Variants in SEMA6D observed in about 807,000 individuals in gnomAD.
SEMA6D encodes semaphorin 6D, also known as semaphorin-6D.
Under a neutral mutation model 106.6 loss-of-function variants are expected in SEMA6D, and 35 were observed. The ratio of observed to expected loss-of-function variants is 0.33; its 90% CI spans 0.25 to 0.44. The LOEUF (loss-of-function observed/expected upper bound fraction) is 0.44. Among genes scored for constraint, SEMA6D ranks in the 20% least tolerant of loss-of-function variants. SEMA6D has a pLI of 1.00. For synonymous variants in SEMA6D, 499 were observed against 487.7 expected (o/e 1.02, Z -0.31); for missense variants, 1,185 against 1,345.9 (o/e 0.88, Z 1.87).
intron 1 of SEMA6D, among the ~76,000 whole-genome samples, chr15:47,290,183 G>C (rs150016333): frequency 6.6e-6 from 1 of 152,192 alleles, no homozygotes; most frequent in Non-Finnish European, 1.5e-5. Flanking sequence ...TGAAGGGATC[G>C]CTGTGAAGCT....
chr15:47,483,546 TAGTC>T (rs1373262816), intron 3 of SEMA6D, among the ~76,000 whole-genome samples: 8 of 152,156 alleles, frequency 5.3e-5, no homozygotes, highest in African/African-American at 1.9e-4. Flanking sequence ...TTAACTGTAA[TAGTC>T]AGGTTTATAG....
intron 3 of SEMA6D, among the ~76,000 whole-genome samples, chr15:47,534,211 G>A (rs746526478): frequency 6.6e-6 from 1 of 152,086 alleles, no homozygotes; most frequent in Admixed American, 6.5e-5. Flanking sequence ...TTTAAATGGA[G>A]ACAAATTATC....
At chr15:47,662,269 C>T (rs745528237) in intron 4 of SEMA6D, among the ~76,000 whole-genome samples, 2 of 151,912 alleles carry the variant, frequency 1.3e-5, no homozygotes, top group Admixed American at 6.6e-5. Flanking sequence ...GAATACTGTG[C>T]GTGTGGCTGT....
At chr15:47,646,090 G>A (rs1305940534) in intron 4 of SEMA6D, among the ~76,000 whole-genome samples, 2 of 152,034 alleles carry the variant, frequency 1.3e-5, no homozygotes, top group Non-Finnish European at 2.9e-5. Context: ...TGGCCATTGA[G>A]GATCAAGGCA....
At chr15:47,436,262 C>T (rs1002960669) in intron 2 of SEMA6D, among the ~76,000 whole-genome samples, 3 of 151,680 alleles carry the variant, frequency 2.0e-5, no homozygotes, top group African/African-American at 4.8e-5. Context: ...TGGTGGCAGG[C>T]GCCTGTAATC....
At chr15:47,751,284 T>G (rs1293127034) in intron 1 of SEMA6D, among the ~76,000 whole-genome samples, 1 of 152,198 alleles carries the variant, frequency 6.6e-6, no homozygotes, top group Non-Finnish European at 1.5e-5. Flanking sequence ...CTCCCTTTTA[T>G]AATTGATCTT....
chr15:47,469,225 G>A lies in SEMA6D; in HGVS notation c.-158-1249G>A, dbSNP rs140440470. 2.5e-3 allele frequency among the ~76,000 whole-genome samples: 386 copies of A among 152,190 alleles called. 3 individuals carry two copies. Among genetic ancestry groups the A allele is most frequent in the African/African-American group, 8.8e-3 (367 of 41,514 alleles). On this transcript the variant is annotated intron_variant, in intron 2 of 19. Transcript: ENST00000558014. ...TATTATGATTTTAAAACTCTTAACA[G>A]GCAGTGCACCCCCTTATTGCCCCAA...
At chr15:47,767,886 T>C (rs1478998894) in intron 17 of SEMA6D, among the ~76,000 whole-genome samples, 1 of 152,246 alleles carries the variant, frequency 6.6e-6, no homozygotes, top group African/African-American at 2.4e-5. Flanking sequence ...GTAGATCTTA[T>C]GTATCAGAAT....
At chr15:47,634,250 T>C (rs2077341670) in intron 4 of SEMA6D, among the ~76,000 whole-genome samples, 2 of 152,096 alleles carry the variant, frequency 1.3e-5, no homozygotes, top group South Asian at 4.1e-4. Flanking sequence ...TGCAAATCAG[T>C]GGGGTGAACA....
chr15:47,236,110 C>T (rs914508257), intron 1 of SEMA6D, among the ~76,000 whole-genome samples: 1 of 152,126 alleles, frequency 6.6e-6, no homozygotes, highest in Non-Finnish European at 1.5e-5. Flanking sequence ...ATCTGGATTG[C>T]ATCAATCTTT....
chr15:47,699,035 A>T (rs186588946), intron 4 of SEMA6D, among the ~76,000 whole-genome samples: 103 of 152,320 alleles, frequency 6.8e-4, no homozygotes, highest in African/African-American at 2.4e-3. Flanking sequence ...AAGAAGGAGA[A>T]TATGAAAGAA....
chr15:47,317,242 T>C (rs1489720015), intron 1 of SEMA6D, among the ~76,000 whole-genome samples: 1 of 152,178 alleles, frequency 6.6e-6, no homozygotes, highest in South Asian at 2.1e-4. Context: ...TCTTTGGGAC[T>C]GGAGTTATGG....
chr15:47,209,033 G>C (rs1895304108), intron 1 of SEMA6D, among the ~76,000 whole-genome samples: 3 of 151,262 alleles, frequency 2.0e-5, no homozygotes, highest in African/African-American at 7.3e-5. Context: ...TTTACTCTTT[G>C]AGATATTCTT....
chr15:47,376,524 C>T (rs114175915), intron 1 of SEMA6D, among the ~76,000 whole-genome samples: 28 of 152,286 alleles, frequency 1.8e-4, no homozygotes, highest in African/African-American at 5.8e-4. Context: ...GCTTTCTAGC[C>T]GAGCACTAGT....
intron 1 of SEMA6D, among the ~76,000 whole-genome samples, chr15:47,248,788 T>C (rs2033345982): frequency 6.6e-6 from 1 of 152,216 alleles, no homozygotes; most frequent in African/African-American, 2.4e-5. Context: ...CAGTGGCCTC[T>C]AAATTCTGGG....
Position 47,763,944 on chromosome 15 carries a change from G to A in SEMA6D, c.842G>A (p.Arg281Gln), listed in dbSNP as rs2082198344. ...CACTGGACTTCATTTCTAAAGGCTC[G>A]GCTGAACTGTTCTGTCCCTGGAGAT... ...EKHWTSFLKARLNCSVPGDSF... is the reference protein window; with the variant it reads ...EKHWTSFLKAQLNCSVPGDSF... The change falls in exon 10 of 19, where the codon CGG becomes CAG. Residue 281 changes from arginine to glutamine, a missense_variant. By Grantham distance (43) the Arg-to-Gln change is conservative. Coordinates refer to ENST00000536845, the MANE Select transcript of SEMA6D (RefSeq NM_001358351.3). The A allele has an allele frequency of 1.2e-6, 2 of 1,613,950 alleles. No homozygotes were observed. The highest frequency in any genetic ancestry group is 1.7e-6 in the Non-Finnish European group (2 of 1,179,880).
At chr15:47,638,274 C>T (rs1488494635) in intron 4 of SEMA6D, among the ~76,000 whole-genome samples, 1 of 152,024 alleles carries the variant, frequency 6.6e-6, no homozygotes, top group Non-Finnish European at 1.5e-5. Flanking sequence ...TCTCTGTGGG[C>T]CTTGGTAAAG....
chr15:47,327,538 T>C (rs763515526), intron 1 of SEMA6D, among the ~76,000 whole-genome samples: 1 of 152,248 alleles, frequency 6.6e-6, no homozygotes, highest in Non-Finnish European at 1.5e-5. Context: ...GAAGCTTATC[T>C]TTGTATTTAC....
intron 1 of SEMA6D, among the ~76,000 whole-genome samples, chr15:47,366,908 T>G (rs2039049012): frequency 6.6e-6 from 1 of 152,206 alleles, no homozygotes; most frequent in Non-Finnish European, 1.5e-5. Flanking sequence ...CAGTACTGAC[T>G]GCTTAGCCAG....
Sources: allele counts gnomAD v4.1 joint callset (sites outside exome capture counted in the v4.1 genomes callset), GRCh38; gene constraint gnomAD v4.1.1; transcripts MANE v1.5; gene names NCBI Gene and HGNC (gene_info 2026-07-23, HGNC 2026-07-21).